The following AP5Z1 variants were observed in gnomAD, a reference collection of about 807,000 sequenced individuals.
The protein encoded by AP5Z1 is adaptor related protein complex 5 subunit zeta 1, also known as AP-5 complex subunit zeta-1.
Under a neutral mutation model 83.0 loss-of-function variants are expected in AP5Z1, and 106 were observed. The observed-to-expected ratio is 1.28, with a 90% CI of 1.09 to 1.50. The LOEUF is 1.50. Among genes scored for constraint, AP5Z1 ranks in the 40% most tolerant of loss-of-function variants. The pLI is 0.00. For missense variants in AP5Z1, 1,565 were observed against 1,094.2 expected, an observed-to-expected ratio of 1.43 and a Z score of -6.07; for synonymous variants, 751 against 514.1, an observed-to-expected ratio of 1.46 and a Z score of -6.23.
intron 13 of AP5Z1, 133 bp from the exon 14 acceptor site, chr7:4,789,699 G>A (rs2115125207): frequency 1.6e-6 from 1 of 628,908 alleles, no homozygotes; most frequent in African/African-American, 1.8e-5. Flanking sequence ...GTGTCCCTGG[G>A]TGTTGGGGAA....
rs1039309983 is a variant in AP5Z1 at position 4,788,005 on chromosome 7, C to T, written c.1455-149C>T. The T allele has an allele frequency of 2.0e-5, 26 of 1,313,332 alleles. No individual in the cohort carries two copies. The African/African-American group carries it at 2.7e-4, about 14-fold the overall frequency. The allele number at this position is 1,313,332 out of a possible 1,614,324, so 81.4% of individuals were successfully genotyped here. A position where few individuals can be genotyped will look rare whatever the true frequency, so the allele number is the denominator to read the frequency against. ...CCCTGGAGTGCCTCACCCGTCTTCACGCCCAGGCCTGGAGCCTCCCATGCC... is the reference window on the plus strand; with the variant it reads ...CCCTGGAGTGCCTCACCCGTCTTCATGCCCAGGCCTGGAGCCTCCCATGCC... On this transcript the variant is annotated intron_variant, in intron 11 of 16. Transcript: ENST00000649063.
chr7:4,781,037 A>T, intron 1 of AP5Z1, 138 bp from the exon 2 acceptor site: 1 of 1,130,544 alleles, frequency 8.8e-7, no homozygotes, highest in Non-Finnish European at 1.2e-6. Context: ...CTCGAGAGCC[A>T]TGAGCCGTGG....
chr7:4,781,369 G>A, intron 2 of AP5Z1, 57 bp downstream of exon 2: 1 of 1,607,260 alleles, frequency 6.2e-7, no homozygotes, highest in Non-Finnish European at 8.5e-7. Flanking sequence ...GGAGAACCCA[G>A]CCCACGCCCA....
In AP5Z1 at chr7:4,792,711, C is replaced by T. The variant is rs1290673332; in HGVS notation, c.*1326C>T. The T allele has an allele frequency of 2.0e-5, 3 of 152,374 alleles. No individual in the cohort carries two copies. Among genetic ancestry groups the T allele is most frequent in the South Asian group, 2.1e-4 (1 of 4,828 alleles). 9.4% of individuals were successfully genotyped at this position (152,374 alleles called of 1,614,324 possible). A position where few individuals can be genotyped will look rare whatever the true frequency, so the allele number is the denominator to read the frequency against. ...GCCGGGGCCGCAGGAAAGGCTGGCG[C>T]TGGCAGGCGCTTCCGTCGGCAGCAC... On this transcript the variant is annotated 3_prime_UTR_variant, in exon 17 of 17. Transcript: ENST00000649063.
rs749327622 is a variant in AP5Z1, at chr7:4,783,358, C to CTACG, written c.410_413dup (p.Ala139ThrfsTer9). On this transcript the variant is annotated frameshift_variant, in exon 4 of 17. Transcript: ENST00000649063. LOFTEE classifies it high-confidence loss of function. ...GGTCAGAGCCGTGGGCCAGGGCGTG[C>CTACG]TACGAGCGCTGGAGAGCCGGCAGCC... 1 of 1,612,814 alleles carries CTACG rather than the reference C, an allele frequency of 6.2e-7. No homozygotes were observed. The highest frequency in any genetic ancestry group is 1.3e-5 in the African/African-American group (1 of 74,836).
intron 1 of AP5Z1, among the ~76,000 whole-genome samples, chr7:4,780,184 A>C (rs992755219): frequency 2.6e-5 from 4 of 152,212 alleles, no homozygotes; most frequent in African/African-American, 9.6e-5. Context: ...ACCTAAAAAC[A>C]GGCTTCCATT....
At chr7:4,787,885 C>A in intron 11 of AP5Z1, 109 bp downstream of exon 11, 1 of 1,339,584 alleles carries the variant, frequency 7.5e-7, no homozygotes, top group Non-Finnish European at 1.0e-6. Context: ...CTCCTTCTTC[C>A]CCCCCCAACA....
Position 4,787,705 on chromosome 7 carries a change from C to A in AP5Z1, c.1383C>A (p.Gly461=). ...TCCTCCCGGCCCTGGTGGACGCTGG[C>A]ACAGCCCTGGAGATGCTGCACGCGC... ...VALLPALVDA[G]TALEMLHALL... is the part of the protein sequence containing the mutation. Residue 461 remains glycine (G), a synonymous_variant, in exon 11 of 17, where the codon GGC becomes GGA. Transcript: ENST00000649063. 6.4e-7 allele frequency: 1 copy of A among 1,551,700 alleles called. No homozygotes were observed.
chr7:4,792,972 G>A lies in AP5Z1; in HGVS notation c.*1587G>A, dbSNP rs1781833695. 1.2e-5 allele frequency: 2 copies of A among 162,854 alleles called. No individual in the cohort carries two copies. The highest frequency in any genetic ancestry group is 5.9e-5 in the Admixed American group (1 of 17,050). The allele number at this position is 162,854 out of a possible 1,614,324, so 10.1% of individuals were successfully genotyped here. A position where few individuals can be genotyped will look rare whatever the true frequency, so the allele number is the denominator to read the frequency against. ...CGCAGCTCCCCTCCTGCCCTGGGGC[G>A]GGGCTTCCCTGACCTGAAGGCGTCG... On this transcript the variant is annotated 3_prime_UTR_variant, in exon 17 of 17. Coordinates refer to ENST00000649063, the MANE Select transcript of AP5Z1 (RefSeq NM_014855.3).
intron 14 of AP5Z1, 154 bp from the exon 15 acceptor site, chr7:4,790,305 C>G (rs962850499): frequency 3.3e-5 from 51 of 1,547,160 alleles, no homozygotes; most frequent in Non-Finnish European, 4.4e-5. Context: ...AGAACAGTTT[C>G]TCTGAGGCTG....
In AP5Z1 at chr7:4,788,282, G is replaced by T. The variant is rs754132744; in HGVS notation, c.1583G>T (p.Gly528Val). The change falls in exon 12 of 17, where the codon GGC becomes GTC. Residue 528 changes from glycine (G) to valine (V), a missense_variant. By Grantham distance (109) the Gly-to-Val change is moderately radical. Transcript: ENST00000649063. ...TACCTGCTGCGCCCCAAGGCCAGTG[G>T]CGCCACTGAGAGGTACGGGGCCCTA... ...FQYLLRPKAS[G>V]ATERLAPLHQ... The T allele has an allele frequency of 6.3e-7, 1 of 1,591,322 alleles. No homozygotes were observed. Among genetic ancestry groups the T allele is most frequent in the East Asian group, 2.3e-5 (1 of 43,830 alleles).
rs1452106957 is a variant in AP5Z1, at chr7:4,786,315, C to G, written c.1198C>G (p.Gln400Glu). 4.3e-6 allele frequency: 7 copies of G among 1,613,628 alleles called. No homozygotes were observed. Among genetic ancestry groups the G allele is most frequent in the Non-Finnish European group, 3.4e-6 (4 of 1,179,780 alleles). Reference protein sequence around the residue: ...QHLFTRIPVEQFHSPMLAFEF... With the variant: ...QHLFTRIPVEEFHSPMLAFEF... ...CCTGTTCACCAGGATCCCGGTGGAG[C>G]AGTTCCACAGCCCCATGCTGGCCTT... Residue 400 changes from glutamine (Q) to glutamate (E), a missense_variant, in exon 10 of 17, where the codon CAG becomes GAG. Gln to Glu is a conservative substitution (Grantham distance 29, BLOSUM62 2). Transcript: ENST00000649063.
Position 4,789,852 on chromosome 7 carries a change from C to G in AP5Z1, c.1728C>G (p.Ile576Met), listed in dbSNP as rs550686881. ...AVTQVADGSLINQLALLLLGR... is the reference protein window; with the variant it reads ...AVTQVADGSLMNQLALLLLGR... ...CCCAGGTGGCTGACGGGTCCCTGATCAACCAGCTGGCGCTGCTGCTCCTGG... is the reference window on the plus strand; with the variant it reads ...CCCAGGTGGCTGACGGGTCCCTGATGAACCAGCTGGCGCTGCTGCTCCTGG... Residue 576 changes from isoleucine (I) to methionine (M), a missense_variant, in exon 14 of 17, where the codon ATC (isoleucine) becomes ATG (methionine). Coordinates refer to ENST00000649063, the MANE Select transcript of AP5Z1 (RefSeq NM_014855.3). 3.2e-6 allele frequency: 5 copies of G among 1,552,672 alleles called. No individual in the cohort carries two copies. The South Asian group carries it at 4.8e-5, about 15-fold the overall frequency.
chr7:4,793,386 G>C lies in AP5Z1; in HGVS notation c.*2001G>C, dbSNP rs886744322. 6.6e-6 allele frequency: 1 copy of C among 152,550 alleles called. No individual in the cohort carries two copies. The highest frequency in any genetic ancestry group is 1.5e-5 in the Non-Finnish European group (1 of 68,292). 9.4% of individuals were successfully genotyped at this position (152,550 alleles called of 1,614,324 possible). A position where few individuals can be genotyped will look rare whatever the true frequency, so the allele number is the denominator to read the frequency against. On this transcript the variant is annotated 3_prime_UTR_variant, in exon 17 of 17. Coordinates refer to ENST00000649063, the MANE Select transcript of AP5Z1 (RefSeq NM_014855.3). ...CCTGCTGGCAGTCCTCACAGCCCTC[G>C]CTCGCTCTTGGCGCCTCCTCTGCCT...
intron 1 of AP5Z1, among the ~76,000 whole-genome samples, chr7:4,778,957 A>G (rs549320668): frequency 1.4e-5 from 2 of 146,642 alleles, no homozygotes; most frequent in African/African-American, 2.5e-5. Context: ...TGCTTGAGCT[A>G]GAAGATCAGG....
chr7:4,777,517 A>C (rs1781260262), intron 1 of AP5Z1, among the ~76,000 whole-genome samples: 1 of 151,992 alleles, frequency 6.6e-6, no homozygotes, highest in Non-Finnish European at 1.5e-5. Flanking sequence ...CCTCCCAAGT[A>C]GCTGGGATTA....
intron 14 of AP5Z1, 110 bp downstream of exon 14, chr7:4,790,039 G>A (rs1781704586): frequency 1.8e-6 from 2 of 1,121,568 alleles, no homozygotes; most frequent in Non-Finnish European, 2.4e-6. Context: ...CCCTAGCTGG[G>A]CCCTCAGCAG....
At position 4,789,364 on chromosome 7, in the gene AP5Z1, T is replaced by TC. The variant is rs1421755866; in HGVS notation, c.1707+418dup. ...ACACAGCTGGGGCCGGAGCAGTTTG[T>TC]CCCCCTGCTGCCCCTGATAATTCAG... On this transcript the variant is annotated intron_variant, in intron 13 of 16. Coordinates refer to ENST00000649063, the MANE Select transcript of AP5Z1 (RefSeq NM_014855.3). Among the ~76,000 whole-genome samples the TC allele has an allele frequency of 2.6e-5, 4 of 152,070 alleles. No homozygotes were observed. In the South Asian group the frequency reaches 8.3e-4, roughly 32 times the overall value.
In AP5Z1 at chr7:4,790,660, T is replaced by A. The variant is rs751884552; in HGVS notation, c.1939-13T>A. 2 of 1,612,002 alleles carry A rather than the reference T, an allele frequency of 1.2e-6. No individual in the cohort carries two copies. Among genetic ancestry groups the A allele is most frequent in the African/African-American group, 1.3e-5 (1 of 74,972 alleles). Reference sequence around the variant, plus strand: ...GGCCTGGGTGGGGGCTGAATCTCTGTCCCCGGGCCTAGGTGTGGGCCATCG... The same window carrying A: ...GGCCTGGGTGGGGGCTGAATCTCTGACCCCGGGCCTAGGTGTGGGCCATCG... On this transcript the variant is annotated splice_polypyrimidine_tract_variant and intron_variant, in intron 15 of 16. Transcript: ENST00000649063.
Sources: allele counts gnomAD v4.1 joint callset (sites outside exome capture counted in the v4.1 genomes callset), GRCh38; gene constraint gnomAD v4.1.1; transcripts MANE v1.5; gene names NCBI Gene and HGNC (gene_info 2026-07-23, HGNC 2026-07-21).